The following ATF5 variants were observed in gnomAD, a reference collection of about 807,000 sequenced individuals.
ATF5 encodes activating transcription factor 5.
ATF5 carries 6 observed loss-of-function variants against 4.6 expected under a neutral mutation model. The ratio of observed to expected loss-of-function variants is 1.31; its 90% CI spans 0.72 to 2.59. The LOEUF (loss-of-function observed/expected upper bound fraction) is 2.59. Ranked by LOEUF, ATF5 falls within the 30% of genes most tolerant of loss-of-function variation. ATF5 has a pLI of 0.00. For missense variants in ATF5, 410 were observed against 368.7 expected (o/e 1.11, Z -0.92); for synonymous variants, 193 against 165.0 (o/e 1.17, Z -1.30).
At position 49,930,923 on chromosome 19, in the gene ATF5, G is replaced by A. The variant is rs745985003; in HGVS notation, c.73G>A (p.Val25Ile). ...CCCAGCTAGTGGGCTGGGATGGCTC[G>A]TAGACTATGGGAAACTCCCCCCGGC... is the stretch of plus-strand genomic sequence containing the variant. The part of the protein sequence containing the change: ...LLPASGLGWL[V>I]DYGKLPPAPA... Residue 25 changes from valine (V) to isoleucine (I), a missense_variant, in exon 2 of 3, where the codon GTA becomes ATA. Val to Ile is a conservative substitution (Grantham distance 29). Coordinates refer to ENST00000423777, the MANE Select transcript of ATF5 (RefSeq NM_001193646.2). The A allele has an allele frequency of 4.8e-5, 78 of 1,611,830 alleles. No individual in the cohort carries two copies. The highest frequency in any genetic ancestry group is 6.4e-5 in the Non-Finnish European group (76 of 1,179,140).
In ATF5 at chr19:49,933,054, G is replaced by A. The variant is rs750947999; in HGVS notation, c.811G>A (p.Val271Ile). The A allele has an allele frequency of 1.9e-6, 3 of 1,604,320 alleles. No individual in the cohort carries two copies. The highest frequency in any genetic ancestry group is 2.6e-6 in the Non-Finnish European group (3 of 1,172,406). Residue 271 changes from valine (V) to isoleucine (I), a missense_variant, in exon 3 of 3, where the codon GTT becomes ATT. Val to Ile is a conservative substitution (Grantham distance 29). Coordinates refer to ENST00000423777, the MANE Select transcript of ATF5 (RefSeq NM_001193646.2). ...IQYVKDLLIEVYKARSQRTRS... is the reference protein window; with the variant it reads ...IQYVKDLLIEIYKARSQRTRS... ...GTACGTCAAGGACCTGCTCATCGAGGTTTACAAGGCCCGGAGCCAGAGGAC... is the reference window on the plus strand; with the variant it reads ...GTACGTCAAGGACCTGCTCATCGAGATTTACAAGGCCCGGAGCCAGAGGAC...
intron 1 of ATF5, chr19:49,930,004 G>T (rs2076032218): frequency 6.6e-6 from 1 of 152,318 alleles, no homozygotes; most frequent in Non-Finnish European, 1.5e-5. Flanking sequence ...AGGGCAGAAG[G>T]CGGGACCCAG....
At position 49,933,015 on chromosome 19, in the gene ATF5, G is replaced by C. The variant is rs1460488653; in HGVS notation, c.772G>C (p.Glu258Gln). Residue 258 changes from glutamate to glutamine, a missense_variant, in exon 3 of 3, where the codon GAG becomes CAG. Physicochemically the swap from Glu to Gln is conservative, Grantham distance 29. Transcript: ENST00000423777. Reference protein sequence around the residue: ...RELKERAESVEREIQYVKDLL... With the variant: ...RELKERAESVQREIQYVKDLL... ...GCTGAAGGAACGGGCAGAGTCCGTG[G>C]AGCGCGAGATCCAGTACGTCAAGGA... The C allele has an allele frequency of 6.2e-7, 1 of 1,613,894 alleles. No individual in the cohort carries two copies. The highest frequency in any genetic ancestry group is 1.1e-5 in the South Asian group (1 of 91,054).
chr19:49,933,248 G>C lies in ATF5; in HGVS notation c.*156G>C. ...GGCCAAGGCAGGAGGATCGTTTGAG[G>C]CCAGGAGGTCAATACCAGCCTGGGC... On this transcript the variant is annotated 3_prime_UTR_variant, in exon 3 of 3. Transcript: ENST00000423777. The C allele has an allele frequency of 1.3e-6, 1 of 764,100 alleles. No individual in the cohort carries two copies. The highest frequency in any genetic ancestry group is 2.8e-5 in the East Asian group (1 of 36,258). The allele number at this position is 764,100 out of a possible 1,614,324, so 47.3% of individuals were successfully genotyped here.
Position 49,933,006 on chromosome 19 carries a change from G to T in ATF5, c.763G>T (p.Glu255Ter), listed in dbSNP as rs780272021. ...GAATCGCGAGCTGAAGGAACGGGCA[G>T]AGTCCGTGGAGCGCGAGATCCAGTA... ...ARNRELKERA[E>*]SVEREIQYVK... is the part of the protein sequence containing the mutation. The change falls in exon 3 of 3, where the codon GAG becomes TAG. Residue 255 changes from glutamate to a stop codon, truncating the protein, a stop_gained. Coordinates refer to ENST00000423777, the MANE Select transcript of ATF5 (RefSeq NM_001193646.2). LOFTEE classifies it low-confidence loss of function (END_TRUNC). 6.2e-7 allele frequency: 1 copy of T among 1,613,970 alleles called. No individual in the cohort carries two copies. Among genetic ancestry groups the T allele is most frequent in the South Asian group, 1.1e-5 (1 of 91,064 alleles).
chr19:49,930,670 C>T (rs1274770655), intron 1 of ATF5, 62 bp from the exon 2 acceptor site: 2 of 443,904 alleles, frequency 4.5e-6, no homozygotes, highest in East Asian at 3.5e-5. Flanking sequence ...TTGGCTTCCC[C>T]TTGATTTTGG....
intron 2 of ATF5, among the ~76,000 whole-genome samples, chr19:49,931,946 A>G (rs1394434225): frequency 1.3e-5 from 2 of 151,916 alleles, no homozygotes; most frequent in Admixed American, 1.3e-4. Flanking sequence ...GGTTGAAGAA[A>G]TGCTTGGTTG....
Position 49,930,949 on chromosome 19 carries a change from C to A in ATF5, c.99C>A (p.Ala33=). The A allele has an allele frequency of 6.3e-7, 1 of 1,597,454 alleles. No homozygotes were observed. ...WLVDYGKLPP[A]PAPLAPYEVL... ...TAGACTATGGGAAACTCCCCCCGGC[C>A]CCTGCCCCCCTGGCTCCCTATGAGG... Residue 33 remains alanine (A), a synonymous_variant, in exon 2 of 3, where the codon GCC becomes GCA. Coordinates refer to ENST00000423777, the MANE Select transcript of ATF5 (RefSeq NM_001193646.2).
intron 1 of ATF5, 113 bp from the exon 2 acceptor site, chr19:49,930,619 G>T (rs1032471817): frequency 9.8e-5 from 40 of 409,626 alleles, no homozygotes; most frequent in Middle Eastern, 6.1e-4. Context: ...GTGGTTGGAA[G>T]GGGGAGGGAG....
At position 49,933,193 on chromosome 19, in the gene ATF5, G is replaced by T. The variant is rs1003736231; in HGVS notation, c.*101G>T. The T allele has an allele frequency of 3.1e-6, 4 of 1,280,772 alleles. No individual in the cohort carries two copies. The African/African-American group carries it at 4.5e-5, about 14-fold the overall frequency. 79.3% of individuals were successfully genotyped at this position (1,280,772 alleles called of 1,614,324 possible). A position where few individuals can be genotyped will look rare whatever the true frequency, so the allele number is the denominator to read the frequency against. On this transcript the variant is annotated 3_prime_UTR_variant, in exon 3 of 3. Coordinates refer to ENST00000423777, the MANE Select transcript of ATF5 (RefSeq NM_001193646.2). The stretch of plus-strand genomic sequence containing the variant: ...AAACCCCTCTCGGCCGGGTGCAGTG[G>T]CTTATGCTTGTAATCCCAGCACTTT...
Position 49,932,770 on chromosome 19 carries a change from G to T in ATF5, c.527G>T (p.Gly176Val). 1 of 1,606,844 alleles carries T rather than the reference G, an allele frequency of 6.2e-7. No homozygotes were observed. The highest frequency in any genetic ancestry group is 2.2e-5 in the East Asian group (1 of 44,632). The change falls in exon 3 of 3, where the codon GGG becomes GTG. Residue 176 changes from glycine (G) to valine (V), a missense_variant. By Grantham distance (109) the Gly-to-Val change is moderately radical (BLOSUM62 -3). Transcript: ENST00000423777. ...CRNEAGQEEV[G>V]MPPLPPPQQP... ...AACGAGGCCGGGCAGGAGGAAGTGGGGATGCCGCCTCTGCCCCCGCCACAG... is the reference window on the plus strand; with the variant it reads ...AACGAGGCCGGGCAGGAGGAAGTGGTGATGCCGCCTCTGCCCCCGCCACAG...
rs1152227 is a variant in ATF5 at position 49,932,498 on chromosome 19, C to T, written c.255C>T (p.Pro85=). Residue 85 remains proline (P), a synonymous_variant, in exon 3 of 3, where the codon CCC becomes CCT. Transcript: ENST00000423777. ...TCCCTCTGGAGCCTCCCTTACCCCC[C>T]GGCACCCTCCCCCAACCTTCCCCAA... ...ALLPLEPPLP[P]GTLPQPSPTP... is the part of the protein sequence containing the mutation. 2.3e-5 allele frequency: 37 copies of T among 1,605,302 alleles called. No homozygotes were observed. The highest frequency in any genetic ancestry group is 1.7e-4 in the Middle Eastern group (1 of 5,976).
At chr19:49,930,250 A>G (rs1216471600) in intron 1 of ATF5, 7 of 152,032 alleles carry the variant, frequency 4.6e-5, no homozygotes, top group Non-Finnish European at 1.0e-4. Context: ...TGAGTGGATA[A>G]CATTGCTGAA....
In ATF5 at chr19:49,932,787, C is replaced by T. The variant is rs142120669; in HGVS notation, c.544C>T (p.Pro182Ser). 31 of 1,607,646 alleles carry T rather than the reference C, an allele frequency of 1.9e-5. No individual in the cohort carries two copies. The highest frequency in any genetic ancestry group is 7.8e-5 in the South Asian group (7 of 90,016). Residue 182 changes from proline to serine, a missense_variant, in exon 3 of 3, where the codon CCG (proline) becomes TCG (serine). Coordinates refer to ENST00000423777, the MANE Select transcript of ATF5 (RefSeq NM_001193646.2). ...QEEVGMPPLPPPQQPPPPSPP... is the reference protein window; with the variant it reads ...QEEVGMPPLPSPQQPPPPSPP... ...GGAAGTGGGGATGCCGCCTCTGCCC[C>T]CGCCACAGCAGCCCCCTCCTCCTTC...
chr19:49,931,068 A>C, intron 2 of ATF5, 40 bp downstream of exon 2: 1 of 1,443,572 alleles, frequency 6.9e-7, no homozygotes, highest in Non-Finnish European at 9.2e-7. Flanking sequence ...AGTGGAGGGC[A>C]GGGGAAGATG....
In ATF5 at chr19:49,930,878, G is replaced by A. The variant is rs1231320143; in HGVS notation, c.28G>A (p.Glu10Lys). The change falls in exon 2 of 3, where the codon GAG becomes AAG. Residue 10 changes from glutamate (E) to lysine (K), a missense_variant. By Grantham distance (56) the Glu-to-Lys change is moderately conservative. Coordinates refer to ENST00000423777, the MANE Select transcript of ATF5 (RefSeq NM_001193646.2). MSLLATLGL[E>K]LDRALLPASG... Reference sequence around the variant, plus strand: ...GTCACTCCTGGCGACCCTGGGGCTGGAGCTGGACAGGGCCCTGCTCCCAGC... The same window carrying A: ...GTCACTCCTGGCGACCCTGGGGCTGAAGCTGGACAGGGCCCTGCTCCCAGC... The A allele has an allele frequency of 6.2e-7, 1 of 1,605,218 alleles. No homozygotes were observed. The highest frequency in any genetic ancestry group is 2.3e-5 in the East Asian group (1 of 44,390).
Position 49,932,626 on chromosome 19 carries a change from C to T in ATF5, c.383C>T (p.Pro128Leu), listed in dbSNP as rs754418906. 15 of 1,545,710 alleles carry T rather than the reference C, an allele frequency of 9.7e-6. No homozygotes were observed. Among genetic ancestry groups the T allele is most frequent in the Middle Eastern group, 2.3e-4 (1 of 4,368 alleles). ...CCGCCCCTCCCACCACCCTCCCCGCCGCCACTACCACCACCACCACTACCA... is the reference window on the plus strand; with the variant it reads ...CCGCCCCTCCCACCACCCTCCCCGCTGCCACTACCACCACCACCACTACCA... ...DAPPLPPPSP[P>L]PLPPPPLPPA... Residue 128 changes from proline to leucine, a missense_variant, in exon 3 of 3, where the codon CCG becomes CTG. Coordinates refer to ENST00000423777, the MANE Select transcript of ATF5 (RefSeq NM_001193646.2).
At chr19:49,931,468 C>T (rs1013977687) in intron 2 of ATF5, among the ~76,000 whole-genome samples, 4 of 151,858 alleles carry the variant, frequency 2.6e-5, no homozygotes, top group South Asian at 2.1e-4. Flanking sequence ...GGCAACATAG[C>T]GAGACCTCAT....
chr19:49,932,335 C>T lies in ATF5; in HGVS notation c.179-87C>T, dbSNP rs375819270. The stretch of plus-strand genomic sequence containing the variant: ...TTTTACTGAATGAATGGGACAGATG[C>T]ACCTGAATGAGACGTGAGTCAGCAC... On this transcript the variant is annotated intron_variant, in intron 2 of 2. Coordinates refer to ENST00000423777, the MANE Select transcript of ATF5 (RefSeq NM_001193646.2). 1.4e-4 allele frequency: 177 copies of T among 1,251,344 alleles called. 2 individuals are homozygous for T. The South Asian group carries it at 2.0e-3, about 14-fold the overall frequency. The allele number at this position is 1,251,344 out of a possible 1,614,324, so 77.5% of individuals were successfully genotyped here.
Sources: gnomAD v4.1 joint callset for allele counts (sites outside exome capture counted in the v4.1 genomes callset) on GRCh38, gnomAD v4.1.1 for gene constraint, MANE v1.5 for transcripts, NCBI Gene and HGNC (gene_info 2026-07-23, HGNC 2026-07-21) for gene names.